FOXP1: variants seen among roughly 807,000 people sequenced by gnomAD.
The protein encoded by FOXP1 is forkhead box protein P1.
Under a neutral mutation model 98.2 loss-of-function variants are expected in FOXP1, and 15 were observed. The observed-to-expected ratio is 0.15, with a 90% CI of 0.10 to 0.24. FOXP1 has a LOEUF of 0.24. FOXP1 is among the 10% of genes least tolerant of loss of function. The pLI is 1.00. For synonymous variants in FOXP1, 371 were observed against 314.5 expected (o/e 1.18, Z -1.90); for missense variants, 633 against 848.5 (o/e 0.75, Z 3.15).
At chr3:71,230,793 A>G (rs912663962) in intron 5 of FOXP1, among the ~76,000 whole-genome samples, 50 of 152,348 alleles carry the variant, frequency 3.3e-4, no homozygotes, top group African/African-American at 1.2e-3. Context: ...CCAAAACGAA[A>G]GTGTTTTGTA....
chr3:71,316,291 G>C (rs1284351997), intron 4 of FOXP1, among the ~76,000 whole-genome samples: 2 of 152,142 alleles, frequency 1.3e-5, no homozygotes, highest in Non-Finnish European at 2.9e-5. Flanking sequence ...CAGAACCTTG[G>C]ACTTTCCTGC....
In FOXP1 at chr3:71,151,291, G is replaced by A. The variant is rs566696137; in HGVS notation, c.181-38654C>T. 3.3e-5 allele frequency among the ~76,000 whole-genome samples: 5 copies of A among 152,150 alleles called. No homozygotes were observed. In the South Asian group the frequency reaches 6.2e-4, roughly 19 times the overall value. ...TATTGATCTTCTTTTGCGAAGACCC[G>A]GACTCTCACCCATATAAGTTAAATT... is the stretch of plus-strand genomic sequence containing the variant. On this transcript the variant is annotated intron_variant, in intron 6 of 20. Coordinates refer to ENST00000649528, the MANE Select transcript of FOXP1 (RefSeq NM_001349338.3).
chr3:71,085,784 C>T (rs980183673), intron 7 of FOXP1, among the ~76,000 whole-genome samples: 1 of 107,064 alleles, frequency 9.3e-6, no homozygotes, highest in Non-Finnish European at 1.7e-5. Flanking sequence ...GACTGGAGTG[C>T]AGTGGTGTGA....
At chr3:71,075,716 G>GTT (rs59622548) in intron 7 of FOXP1, among the ~76,000 whole-genome samples, 3 of 146,214 alleles carry the variant, frequency 2.1e-5, no homozygotes, top group East Asian at 4.0e-4. Context: ...GGTTTTTTTT[G>GTT]TTTTTTTTTT....
At chr3:70,965,541 C>T (rs950581017) in intron 20 of FOXP1, among the ~76,000 whole-genome samples, 3 of 152,034 alleles carry the variant, frequency 2.0e-5, no homozygotes, top group East Asian at 1.9e-4. Context: ...TCAACATGCC[C>T]GAAAGTTGAA....
intron 3 of FOXP1, among the ~76,000 whole-genome samples, chr3:71,475,412 G>A (rs1037369918): frequency 6.6e-6 from 1 of 152,184 alleles, no homozygotes; most frequent in Admixed American, 6.5e-5. Flanking sequence ...CGGGGAAAGG[G>A]AGAGGGTGGT....
At chr3:71,212,282 T>A (rs931561874) in intron 5 of FOXP1, among the ~76,000 whole-genome samples, 6 of 152,182 alleles carry the variant, frequency 3.9e-5, no homozygotes, top group Admixed American at 1.3e-4. Context: ...GGCTCATATA[T>A]TGGGCAACTG....
At chr3:71,097,384 T>A (rs1475183482) in intron 7 of FOXP1, among the ~76,000 whole-genome samples, 1 of 152,168 alleles carries the variant, frequency 6.6e-6, no homozygotes, top group African/African-American at 2.4e-5. Flanking sequence ...ACAGAGTAAG[T>A]AGTTGCCACA....
At chr3:70,984,975 G>C (rs907379245) in intron 14 of FOXP1, among the ~76,000 whole-genome samples, 1 of 152,196 alleles carries the variant, frequency 6.6e-6, no homozygotes, top group Non-Finnish European at 1.5e-5. Flanking sequence ...AATGAGGACT[G>C]GTTGGATGAT....
chr3:71,431,013 C>T (rs1330858596), intron 3 of FOXP1, among the ~76,000 whole-genome samples: 2 of 152,118 alleles, frequency 1.3e-5, no homozygotes, highest in African/African-American at 2.4e-5. Context: ...GATTTTACTG[C>T]AACAAAGCAT....
chr3:71,579,600 C>G (rs116550862), intron 2 of FOXP1, among the ~76,000 whole-genome samples: 2 of 150,838 alleles, frequency 1.3e-5, no homozygotes, highest in Non-Finnish European at 2.9e-5. Flanking sequence ...ACTTCATCAC[C>G]AGAGATTTTT....
chr3:71,480,219 C>T (rs1378931657), intron 3 of FOXP1, among the ~76,000 whole-genome samples: 2 of 152,008 alleles, frequency 1.3e-5, no homozygotes, highest in African/African-American at 4.8e-5. Flanking sequence ...AAACAAAAAA[C>T]CCCAAAACTA....
intron 10 of FOXP1, among the ~76,000 whole-genome samples, chr3:71,042,392 C>T (rs780871588): frequency 6.6e-6 from 1 of 152,088 alleles, no homozygotes; most frequent in Non-Finnish European, 1.5e-5. Context: ...CTATTGTGGG[C>T]CTCTTCGTCT....
chr3:71,156,510 G>T (rs1398307806), intron 6 of FOXP1, among the ~76,000 whole-genome samples: 2 of 152,164 alleles, frequency 1.3e-5, no homozygotes, highest in Non-Finnish European at 2.9e-5. Flanking sequence ...GCCTGGGAGG[G>T]GGGGAAAAGA....
At position 71,520,782 on chromosome 3, in the gene FOXP1, G is replaced by A. The variant is rs139170428; in HGVS notation, c.-297-27227C>T. ...CATTGACAAGTCAATTGAAATTTTCGTGACATTTATTTTTTTCTCCAAAGT... is the reference window on the plus strand; with the variant it reads ...CATTGACAAGTCAATTGAAATTTTCATGACATTTATTTTTTTCTCCAAAGT... On this transcript the variant is annotated intron_variant, in intron 2 of 20. Transcript: ENST00000649528. 5.2e-3 allele frequency among the ~76,000 whole-genome samples: 790 copies of A among 152,252 alleles called. 5 individuals carry two copies. The highest frequency in any genetic ancestry group is 0.018 in the African/African-American group (743 of 41,536).
chr3:71,399,209 C>T (rs1271226354), intron 3 of FOXP1, among the ~76,000 whole-genome samples: 1 of 151,822 alleles, frequency 6.6e-6, no homozygotes, highest in Non-Finnish European at 1.5e-5. Context: ...TGTAGATATA[C>T]AGGTATGTAC....
intron 7 of FOXP1, among the ~76,000 whole-genome samples, chr3:71,064,337 A>G (rs971650285): frequency 2.0e-5 from 3 of 152,168 alleles, no homozygotes; most frequent in Non-Finnish European, 2.9e-5. Context: ...TATATTTCAC[A>G]CGCTCTGAAA....
intron 2 of FOXP1, among the ~76,000 whole-genome samples, chr3:71,564,705 T>C (rs1033380527): frequency 2.0e-5 from 3 of 152,340 alleles, no homozygotes; most frequent in Middle Eastern, 3.4e-3. Flanking sequence ...ATTACAGAGT[T>C]TTCTTAAAAA....
intron 6 of FOXP1, among the ~76,000 whole-genome samples, chr3:71,145,893 T>C (rs2060286084): frequency 6.6e-6 from 1 of 152,190 alleles, no homozygotes; most frequent in South Asian, 2.1e-4. Flanking sequence ...TGTACACGAG[T>C]CCCTTGCTGG....
Sources: allele counts gnomAD v4.1 joint callset (sites outside exome capture counted in the v4.1 genomes callset), GRCh38; gene constraint gnomAD v4.1.1; transcripts MANE v1.5; gene names NCBI Gene and HGNC (gene_info 2026-07-23, HGNC 2026-07-21).